The following TSNARE1 variants were observed in gnomAD, a reference collection of about 807,000 sequenced individuals.
TSNARE1 encodes the protein t-SNARE domain-containing protein 1.
TSNARE1 carries 49 observed loss-of-function variants against 62.0 expected under a neutral mutation model. That is an observed-to-expected ratio of 0.79 (90% CI 0.63 to 1.00). TSNARE1 has a LOEUF of 1.00. Ranked by LOEUF, TSNARE1 falls within the 50% of genes least tolerant of loss-of-function variation. The pLI is 0.00. For synonymous variants in TSNARE1, 328 were observed against 294.4 expected (o/e 1.11, Z -1.17); for missense variants, 755 against 700.1 (o/e 1.08, Z -0.88).
chr8:142,296,727 T>A lies in TSNARE1; in HGVS notation c.1290+3759A>T, dbSNP rs532176950. On this transcript the variant is annotated intron_variant, in intron 10 of 13. Coordinates refer to ENST00000524325, the MANE Select transcript of TSNARE1 (RefSeq NM_145003.5). Reference sequence around the variant, plus strand: ...GGAGGGCACGCCGTGGAAGCAGCAATGCTCAGATCAGGGCAGGGTGCTCAG... The same window carrying A: ...GGAGGGCACGCCGTGGAAGCAGCAAAGCTCAGATCAGGGCAGGGTGCTCAG... Among the ~76,000 whole-genome samples, 432 of 151,454 alleles carry A rather than the reference T, an allele frequency of 2.9e-3. 1 individual carries two copies. The highest frequency in any genetic ancestry group is 5.0e-3 in the Non-Finnish European group (340 of 67,882).
intron 12 of TSNARE1, among the ~76,000 whole-genome samples, chr8:142,230,354 G>A (rs1817043693): frequency 6.6e-6 from 1 of 152,186 alleles, no homozygotes; most frequent in Non-Finnish European, 1.5e-5. Context: ...GAATGGGAAG[G>A]GAGACAGATT....
chr8:142,375,862 C>T (rs575016944), intron 1 of TSNARE1, among the ~76,000 whole-genome samples: 1 of 152,166 alleles, frequency 6.6e-6, no homozygotes, highest in Non-Finnish European at 1.5e-5. Context: ...CAGGCCCAGG[C>T]TGGGGTTCCA....
chr8:142,329,690 C>T (rs1456149642), intron 6 of TSNARE1, among the ~76,000 whole-genome samples: 3 of 152,210 alleles, frequency 2.0e-5, no homozygotes, highest in East Asian at 1.9e-4. Flanking sequence ...GAGGTCTGAC[C>T]GTGCAAATAC....
At chr8:142,352,669 G>A (rs927169757) in intron 2 of TSNARE1, among the ~76,000 whole-genome samples, 16 of 152,270 alleles carry the variant, frequency 1.1e-4, no homozygotes, top group African/African-American at 3.6e-4. Context: ...AAAGCAGCAC[G>A]ACACGGAGCA....
At chr8:142,242,947 C>CAAAAAAA (rs35092120) in intron 12 of TSNARE1, among the ~76,000 whole-genome samples, 2 of 51,360 alleles carry the variant, frequency 3.9e-5, no homozygotes, top group African/African-American at 1.6e-4. Context: ...AACTCTGTCT[C>CAAAAAAA]AAAAAAAAAA....
intron 4 of TSNARE1, among the ~76,000 whole-genome samples, chr8:142,337,376 C>T (rs549317033): frequency 6.6e-6 from 1 of 152,352 alleles, no homozygotes; most frequent in East Asian, 1.9e-4. Flanking sequence ...GTACAAAGAT[C>T]CTACAGAAAT....
chr8:142,327,531 G>A (rs1830434756), intron 6 of TSNARE1, among the ~76,000 whole-genome samples: 1 of 152,190 alleles, frequency 6.6e-6, no homozygotes, highest in Non-Finnish European at 1.5e-5. Context: ...AGGGTACTGT[G>A]AGCCCTCTCT....
chr8:142,257,646 C>T (rs1182246416), intron 12 of TSNARE1, among the ~76,000 whole-genome samples: 1 of 152,132 alleles, frequency 6.6e-6, no homozygotes, highest in Admixed American at 6.5e-5. Flanking sequence ...GCTGGCCTCC[C>T]AGGTTACAAC....
rs1823721231 is a variant in TSNARE1, at chr8:142,291,402, C to T, written c.1291-6917G>A. Among the ~76,000 whole-genome samples, 2 of 152,158 alleles carry T rather than the reference C, an allele frequency of 1.3e-5. No individual in the cohort carries two copies. The highest frequency in any genetic ancestry group is 2.9e-5 in the Non-Finnish European group (2 of 68,040). On this transcript the variant is annotated intron_variant, in intron 10 of 13. Transcript: ENST00000524325. This position sits in a 1 kb window ranked among gnomAD's most constrained non-coding sequence, Gnocchi z 4.8. ...ATCAGAACGTAGGAGTGTTCACTCT[C>T]ACAGAGCTCTGGTGTGGGCTGAGAC...
At chr8:142,369,111 C>T (rs532465553) in intron 1 of TSNARE1, among the ~76,000 whole-genome samples, 4 of 152,330 alleles carry the variant, frequency 2.6e-5, no homozygotes, top group Non-Finnish European at 4.4e-5. Context: ...AGCCAGCAGA[C>T]GCAGCTACTG....
At chr8:142,293,813 T>C (rs533499870) in intron 10 of TSNARE1, among the ~76,000 whole-genome samples, 61 of 152,156 alleles carry the variant, frequency 4.0e-4, no homozygotes, top group Non-Finnish European at 7.3e-4. Flanking sequence ...ACCCACACAC[T>C]GCAGGGATGC....
At chr8:142,342,201 G>A (rs1426339547) in intron 4 of TSNARE1, among the ~76,000 whole-genome samples, 2 of 152,250 alleles carry the variant, frequency 1.3e-5, no homozygotes, top group African/African-American at 4.8e-5. Context: ...AAACAGTCCC[G>A]AGGAAGTTCC....
chr8:142,338,184 C>T (rs988730541), intron 4 of TSNARE1, among the ~76,000 whole-genome samples: 1 of 152,252 alleles, frequency 6.6e-6, no homozygotes, highest in African/African-American at 2.4e-5. Flanking sequence ...CACCCTAAAA[C>T]GCCAAAAGGC....
chr8:142,224,104 G>A (rs977139205), intron 13 of TSNARE1, among the ~76,000 whole-genome samples: 6 of 152,180 alleles, frequency 3.9e-5, no homozygotes, highest in Non-Finnish European at 7.3e-5. Flanking sequence ...CCATTACGCT[G>A]AGCCCGGCCC....
chr8:142,356,819 G>A (rs59948197), intron 1 of TSNARE1, among the ~76,000 whole-genome samples: 4,273 of 152,244 alleles, frequency 0.028, 67 homozygotes, highest in East Asian at 0.068. Context: ...GCTGCTAAGT[G>A]GTGGAGAAGG....
At chr8:142,356,523 C>T (rs901069170) in intron 1 of TSNARE1, among the ~76,000 whole-genome samples, 3 of 152,108 alleles carry the variant, frequency 2.0e-5, no homozygotes, top group African/African-American at 7.2e-5. Context: ...GCACATGTGC[C>T]GGGGCCTCAT....
At chr8:142,390,216 A>G (rs1298223829) in intron 1 of TSNARE1, among the ~76,000 whole-genome samples, 2 of 152,176 alleles carry the variant, frequency 1.3e-5, no homozygotes, top group Non-Finnish European at 2.9e-5. Context: ...GGCCTGGGAC[A>G]TTACTGTACA....
chr8:142,222,102 C>CACTCATCCACTCATT (rs142699831), intron 13 of TSNARE1, among the ~76,000 whole-genome samples: 1 of 124,520 alleles, frequency 8.0e-6, no homozygotes, highest in South Asian at 2.9e-4. Flanking sequence ...CTCATCCACT[C>CACTCATCCACTCATT]CACTCACTCA....
At chr8:142,299,675 TCA>T (rs1220136085) in intron 10 of TSNARE1, among the ~76,000 whole-genome samples, 1 of 149,530 alleles carries the variant, frequency 6.7e-6, no homozygotes, top group Non-Finnish European at 1.5e-5. Flanking sequence ...ACACACGCAC[TCA>T]CATGCATCAC....
Sources: allele counts gnomAD v4.1 joint callset (sites outside exome capture counted in the v4.1 genomes callset), GRCh38; gene constraint gnomAD v4.1.1; non-coding constraint Gnocchi (gnomAD v3.1); transcripts MANE v1.5; gene names NCBI Gene and HGNC (gene_info 2026-07-23, HGNC 2026-07-21).